The following DLG2 variants were observed in gnomAD, a reference collection of about 807,000 sequenced individuals.
The protein encoded by DLG2 is discs large MAGUK scaffold protein 2, also known as disks large homolog 2.
A neutral mutation model predicts 132.5 loss-of-function variants in DLG2; 45 were observed. The ratio of observed to expected loss-of-function variants is 0.34; its 90% confidence interval spans 0.27 to 0.44. The LOEUF (loss-of-function observed/expected upper bound fraction) is 0.44, where lower values mean the gene tolerates loss of function less well. Ranked by LOEUF, DLG2 falls within the 20% of genes least tolerant of loss-of-function variation. DLG2 has a pLI of 1.00. For synonymous variants in DLG2, 424 were observed against 419.6 expected, an observed-to-expected ratio of 1.01 and a Z score of -0.13; for missense variants, 1,045 against 1,196.9, an observed-to-expected ratio of 0.87 and a Z score of 1.87.
At chr11:84,326,324 T>C (rs1204467824) in intron 7 of DLG2, among the ~76,000 whole-genome samples, 1 of 152,158 alleles carries the variant, frequency 6.6e-6, no homozygotes, top group Non-Finnish European at 1.5e-5. Flanking sequence ...ATTAGGTTGT[T>C]TATTTGAGAT....
intron 19 of DLG2, among the ~76,000 whole-genome samples, chr11:83,571,578 G>A (rs2096796903): frequency 1.5e-5 from 2 of 137,694 alleles, no homozygotes; most frequent in Admixed American, 7.8e-5. Context: ...TGTTATTCGA[G>A]CGAGACTCCG....
At position 85,285,315 on chromosome 11, in the gene DLG2, C is replaced by T. The variant is rs755748967; in HGVS notation, c.91G>A (p.Glu31Lys). ...VTLLNSQKSC[E>K]QKIEEANQVL... ...TGATTGGCTTCTTCTATCTTCTGCTCACAACTTTTTTGAGAATTTAGCAAT... is the reference window on the plus strand; with the variant it reads ...TGATTGGCTTCTTCTATCTTCTGCTTACAACTTTTTTGAGAATTTAGCAAT... The change falls in exon 4 of 28, where the codon GAG becomes AAG. Residue 31 changes from glutamate (E) to lysine (K), a missense_variant. Coordinates refer to ENST00000376104, the MANE Select transcript of DLG2 (RefSeq NM_001142699.3). 25 of 1,611,806 alleles carry T rather than the reference C, an allele frequency of 1.6e-5. No homozygotes were observed. The highest frequency in any genetic ancestry group is 1.7e-5 in the Non-Finnish European group (20 of 1,178,636).
At chr11:83,588,395 G>A (rs1009615806) in intron 19 of DLG2, among the ~76,000 whole-genome samples, 10 of 151,806 alleles carry the variant, frequency 6.6e-5, no homozygotes, top group African/African-American at 2.4e-4. Flanking sequence ...ACACAGCAGG[G>A]TATTCCAACA....
At chr11:84,854,567 T>C (rs2082540890) in intron 6 of DLG2, among the ~76,000 whole-genome samples, 1 of 151,984 alleles carries the variant, frequency 6.6e-6, no homozygotes, top group Non-Finnish European at 1.5e-5. Context: ...AAGCCAACTA[T>C]TTCCCAGTTA....
chr11:84,926,857 T>C (rs947311072), intron 6 of DLG2, among the ~76,000 whole-genome samples: 3 of 152,038 alleles, frequency 2.0e-5, no homozygotes, highest in African/African-American at 7.2e-5. Flanking sequence ...GAAATAAGAA[T>C]CTATCAATTT....
intron 5 of DLG2, among the ~76,000 whole-genome samples, chr11:85,122,791 G>A (rs548066324): frequency 1.3e-5 from 2 of 150,766 alleles, no homozygotes; most frequent in African/African-American, 4.9e-5. Flanking sequence ...GGATTATAAC[G>A]AGAGTTGCAG....
rs2057861525 is a variant in DLG2 at position 84,998,225 on chromosome 11, C to T, written c.357+113436G>A. Among the ~76,000 whole-genome samples the T allele has an allele frequency of 2.6e-5, 4 of 151,878 alleles. No homozygotes were observed. The South Asian group carries it at 6.2e-4, about 24-fold the overall frequency. On this transcript the variant is annotated intron_variant, in intron 6 of 27. Transcript: ENST00000376104. The stretch of plus-strand genomic sequence containing the variant: ...CCAAATCTCACCTTGAATTGTAATC[C>T]CCATAATCCCCAGGTGTCAAGGGCA...
intron 17 of DLG2, among the ~76,000 whole-genome samples, chr11:83,795,643 AT>A (rs942575113): frequency 1.3e-5 from 2 of 151,348 alleles, no homozygotes; most frequent in Non-Finnish European, 2.9e-5. Context: ...CCAAGGTCAA[AT>A]TTTTTTTCTT....
At chr11:85,566,639 A>T (rs1259859630) in intron 3 of DLG2, among the ~76,000 whole-genome samples, 2 of 152,110 alleles carry the variant, frequency 1.3e-5, no homozygotes, top group Non-Finnish European at 2.9e-5. Context: ...CCCATTCACA[A>T]GGGGTCTGTC....
intron 6 of DLG2, among the ~76,000 whole-genome samples, chr11:85,054,098 C>A (rs558956719): frequency 2.0e-5 from 3 of 151,892 alleles, no homozygotes; most frequent in East Asian, 3.9e-4. Flanking sequence ...AACCACATCT[C>A]TAATAAAAAT....
chr11:85,130,066 G>A (rs1419948247), intron 5 of DLG2, among the ~76,000 whole-genome samples: 1 of 152,000 alleles, frequency 6.6e-6, no homozygotes, highest in African/African-American at 2.4e-5. Flanking sequence ...AGGGGTGGGG[G>A]GCAAGAGGAG....
intron 4 of DLG2, among the ~76,000 whole-genome samples, chr11:85,265,487 A>G (rs1243053707): frequency 6.6e-6 from 1 of 152,192 alleles, no homozygotes; most frequent in African/African-American, 2.4e-5. Context: ...CTTCCATGGC[A>G]GCACTCTGGC....
Position 83,854,744 on chromosome 11 carries a change from A to C in DLG2, c.1565+19676T>G, listed in dbSNP as rs551537680. Among the ~76,000 whole-genome samples the C allele has an allele frequency of 2.0e-5, 3 of 152,252 alleles. No homozygotes were observed. The East Asian group carries it at 5.8e-4, about 29-fold the overall frequency. ...TGATTCATGAAAGAAAGAACTGATA[A>C]GCTGGACTTTTTTATTTTATTAAAA... On this transcript the variant is annotated intron_variant, in intron 16 of 27. Coordinates refer to ENST00000376104, the MANE Select transcript of DLG2 (RefSeq NM_001142699.3).
intron 4 of DLG2, among the ~76,000 whole-genome samples, chr11:85,284,098 T>C (rs1261033653): frequency 6.6e-6 from 1 of 151,850 alleles, no homozygotes; most frequent in Non-Finnish European, 1.5e-5. Context: ...GTAAAAGACA[T>C]AAAATGCCCT....
At chr11:83,528,863 C>T (rs2095670180) in intron 21 of DLG2, among the ~76,000 whole-genome samples, 1 of 152,082 alleles carries the variant, frequency 6.6e-6, no homozygotes, top group African/African-American at 2.4e-5. Flanking sequence ...TTGCAGCACT[C>T]GGTGTTATTG....
intron 5 of DLG2, among the ~76,000 whole-genome samples, chr11:85,140,561 A>T (rs554249885): frequency 1.2e-4 from 18 of 145,864 alleles, no homozygotes; most frequent in South Asian, 8.7e-4. Flanking sequence ...TCAGGAACTT[A>T]TTTTTTTTTT....
In DLG2 at chr11:84,688,042, C is replaced by A. The variant is rs80112631; in HGVS notation, c.358-153311G>T. 9.2e-4 allele frequency among the ~76,000 whole-genome samples: 140 copies of A among 152,140 alleles called. 1 individual carries two copies. The highest frequency in any genetic ancestry group is 3.2e-3 in the African/African-American group (133 of 41,506). On this transcript the variant is annotated intron_variant, in intron 6 of 27. Transcript: ENST00000376104. ...GATGTACTGTGTATATATGTGATAGCAGAGGAAGAGCAGAAAAACTCAGAT... is the reference window on the plus strand; with the variant it reads ...GATGTACTGTGTATATATGTGATAGAAGAGGAAGAGCAGAAAAACTCAGAT...
chr11:85,618,623 G>T (rs957305060), intron 2 of DLG2, among the ~76,000 whole-genome samples: 1 of 152,068 alleles, frequency 6.6e-6, no homozygotes, highest in African/African-American at 2.4e-5. Flanking sequence ...GTGGGGCAAG[G>T]GCTAAAAAAC....
intron 7 of DLG2, among the ~76,000 whole-genome samples, chr11:84,266,635 A>G (rs2097640518): frequency 6.6e-6 from 1 of 152,190 alleles, no homozygotes; most frequent in Non-Finnish European, 1.5e-5. Flanking sequence ...CGCACTTGGA[A>G]CACCATGAAC....
Sources: gnomAD v4.1 joint callset for allele counts (sites outside exome capture counted in the v4.1 genomes callset) on GRCh38, gnomAD v4.1.1 for gene constraint, MANE v1.5 for transcripts, NCBI Gene and HGNC (gene_info 2026-07-23, HGNC 2026-07-21) for gene names.